The following TSPAN33 variants were observed in gnomAD, a reference collection of about 807,000 sequenced individuals.
The protein encoded by TSPAN33 is tetraspanin-33.
In TSPAN33, 27 loss-of-function variants were observed where a neutral mutation model predicts 34.8. The ratio of observed to expected loss-of-function variants is 0.78; its 90% CI spans 0.57 to 1.07. TSPAN33 has a LOEUF of 1.07. TSPAN33 is among the 50% of genes least tolerant of loss of function. TSPAN33 has a pLI of 0.00. For synonymous variants in TSPAN33, 119 were observed against 124.2 expected (o/e 0.96, Z 0.28); for missense variants, 272 against 324.9 (o/e 0.84, Z 1.25).
rs189377047 is a variant in TSPAN33, at chr7:129,146,938, T to G, written c.102+1856T>G. 4.9e-3 allele frequency among the ~76,000 whole-genome samples: 749 copies of G among 152,180 alleles called. 4 individuals carry two copies. Among genetic ancestry groups the G allele is most frequent in the Middle Eastern group, 6.8e-3 (2 of 294 alleles). ...GCATCTGTTACACTTGTGTTCCTGGTCATTTTTTTTTTCTCGAGCTTCCCT... is the reference window on the plus strand; with the variant it reads ...GCATCTGTTACACTTGTGTTCCTGGGCATTTTTTTTTTCTCGAGCTTCCCT... On this transcript the variant is annotated intron_variant, in intron 1 of 7. Coordinates refer to ENST00000486685, the MANE Select transcript of TSPAN33 (RefSeq NM_178562.5).
At chr7:129,157,810 C>T (rs1792974879) in intron 1 of TSPAN33, among the ~76,000 whole-genome samples, 1 of 152,186 alleles carries the variant, frequency 6.6e-6, no homozygotes, top group Non-Finnish European at 1.5e-5. Context: ...CTCAGTGTAC[C>T]ATCTGCATAG....
chr7:129,163,269 TAAAC>T (rs988947328), intron 4 of TSPAN33, among the ~76,000 whole-genome samples: 6 of 151,418 alleles, frequency 4.0e-5, no homozygotes, highest in Admixed American at 6.6e-5. Flanking sequence ...TTTATTGAGA[TAAAC>T]AGAAGGAAGG....
chr7:129,160,618 C>T (rs1793034308), intron 1 of TSPAN33, among the ~76,000 whole-genome samples: 1 of 152,234 alleles, frequency 6.6e-6, no homozygotes, highest in African/African-American at 2.4e-5. Context: ...TATTCCTCCA[C>T]ACTGGAATCA....
intron 4 of TSPAN33, 48 bp from the exon 5 acceptor site, chr7:129,164,426 G>T: frequency 6.5e-7 from 1 of 1,546,088 alleles, no homozygotes; most frequent in Admixed American, 1.7e-5. Flanking sequence ...GAAGGAGCAA[G>T]TTAGGGATTA....
rs57469403 is a variant in TSPAN33, at chr7:129,161,721, C to G, written c.145C>G (p.Leu49Val). Residue 49 changes from leucine to valine, a missense_variant, in exon 2 of 8, where the codon CTA becomes GTA. Coordinates refer to ENST00000486685, the MANE Select transcript of TSPAN33 (RefSeq NM_178562.5). The stretch of plus-strand genomic sequence containing the variant: ...GGTGGCTGTGGGTGTCTACGCTCGG[C>G]TAATGAAGCATGCAGGTGAGCTGTA... ...VMVAVGVYAR[L>V]MKHAEAALAC... 1 of 1,614,184 alleles carries G rather than the reference C, an allele frequency of 6.2e-7. No individual in the cohort carries two copies. Among genetic ancestry groups the G allele is most frequent in the Non-Finnish European group, 8.5e-7 (1 of 1,180,024 alleles).
At chr7:129,160,253 C>G (rs1342274971) in intron 1 of TSPAN33, among the ~76,000 whole-genome samples, 2 of 152,224 alleles carry the variant, frequency 1.3e-5, no homozygotes, top group Non-Finnish European at 2.9e-5. Context: ...CCTTCTTCCA[C>G]CAAAGCCCCA....
chr7:129,158,558 A>C (rs1792995779), intron 1 of TSPAN33, among the ~76,000 whole-genome samples: 1 of 152,150 alleles, frequency 6.6e-6, no homozygotes, highest in Non-Finnish European at 1.5e-5. Flanking sequence ...TTCACTCTAA[A>C]GTACATGTGG....
At chr7:129,160,211 T>A (rs2150625772) in intron 1 of TSPAN33, among the ~76,000 whole-genome samples, 1 of 152,338 alleles carries the variant, frequency 6.6e-6, no homozygotes, top group African/African-American at 2.4e-5. Context: ...GGGACTCATC[T>A]GACCCTATTA....
At chr7:129,166,676 C>G in intron 5 of TSPAN33, 102 bp from the exon 6 acceptor site, 5 of 1,449,056 alleles carry the variant, frequency 3.5e-6, no homozygotes, top group Non-Finnish European at 4.7e-6. Context: ...CTAAAGTTCC[C>G]AGTAGAAGCT....
In TSPAN33 at chr7:129,163,663, T is replaced by C. The variant is rs147032309; in HGVS notation, c.363+756T>C. On this transcript the variant is annotated intron_variant, in intron 4 of 7. Transcript: ENST00000486685. ...TAGTGGGGCAGGAAGGAAGAGACTA[T>C]GGTAGAAAATTATGAAATTGGGCCA... Among the ~76,000 whole-genome samples, 410 of 152,250 alleles carry C rather than the reference T, an allele frequency of 2.7e-3. 3 individuals are homozygous for C. The highest frequency in any genetic ancestry group is 9.2e-3 in the African/African-American group (382 of 41,550).
intron 5 of TSPAN33, chr7:129,164,850 G>C (rs1793114280): frequency 5.8e-6 from 2 of 345,476 alleles, no homozygotes; most frequent in South Asian, 6.2e-5. Flanking sequence ...GACATTTTAG[G>C]CTGGTCCAAA....
intron 1 of TSPAN33, among the ~76,000 whole-genome samples, chr7:129,154,898 C>CCACT (rs1246992481): frequency 6.6e-6 from 1 of 152,040 alleles, no homozygotes; most frequent in African/African-American, 2.4e-5. Flanking sequence ...TCCAGCAATC[C>CCACT]CACTACTGAG....
chr7:129,162,895 C>A lies in TSPAN33; in HGVS notation c.351C>A (p.Val117=). Residue 117 remains valine, a synonymous_variant, in exon 4 of 8, where the codon GTC becomes GTA. Transcript: ENST00000486685. ...TGGCCGCTGGGATCCTGGGCTTCGT[C>A]TTCTCAGACAAGGTAACACTGGGAG... The part of the protein sequence containing the change: ...LQLAAGILGF[V]FSDKARGKVS... The A allele has an allele frequency of 7.4e-6, 12 of 1,613,866 alleles. No individual in the cohort carries two copies. Among genetic ancestry groups the A allele is most frequent in the Non-Finnish European group, 1.0e-5 (12 of 1,179,870 alleles).
Position 129,167,965 on chromosome 7 carries a change from G to C in TSPAN33, c.*91G>C. 6.6e-7 allele frequency: 1 copy of C among 1,521,418 alleles called. No individual in the cohort carries two copies. Among genetic ancestry groups the C allele is most frequent in the Non-Finnish European group, 8.8e-7 (1 of 1,136,306 alleles). The allele number at this position is 1,521,418 out of a possible 1,614,324, so 94.2% of individuals were successfully genotyped here. On this transcript the variant is annotated 3_prime_UTR_variant, in exon 8 of 8. Coordinates refer to ENST00000486685, the MANE Select transcript of TSPAN33 (RefSeq NM_178562.5). This position sits in a 1 kb window ranked among gnomAD's most constrained non-coding sequence, Gnocchi z 4.6. ...TGAAAGCAGCACCAAATGGAGATTT[G>C]GATTCCAGCCCCCCAGTGACAGCCC... is the stretch of plus-strand genomic sequence containing the variant.
intron 5 of TSPAN33, among the ~76,000 whole-genome samples, chr7:129,166,106 A>T (rs1471194438): frequency 2.0e-5 from 3 of 151,920 alleles, no homozygotes; most frequent in African/African-American, 7.2e-5. Context: ...CGCCCAGCTA[A>T]TTCTTGTATT....
Position 129,168,121 on chromosome 7 carries a change from G to C in TSPAN33, c.*247G>C. The C allele has an allele frequency of 1.5e-6, 1 of 666,204 alleles. No individual in the cohort carries two copies. The highest frequency in any genetic ancestry group is 2.3e-6 in the Non-Finnish European group (1 of 438,626). 41.3% of individuals were successfully genotyped at this position (666,204 alleles called of 1,614,324 possible). On this transcript the variant is annotated 3_prime_UTR_variant, in exon 8 of 8. Coordinates refer to ENST00000486685, the MANE Select transcript of TSPAN33 (RefSeq NM_178562.5). ...CCAGAGTGATACCCTTAAGTGTTTG[G>C]GTTTATGTTTTCAGTTTTGTTTGGG...
chr7:129,149,454 A>C (rs1474205638), intron 1 of TSPAN33, among the ~76,000 whole-genome samples: 1 of 152,140 alleles, frequency 6.6e-6, no homozygotes, highest in African/African-American at 2.4e-5. Context: ...GCTACTTCGG[A>C]GGCTGAGGCA....
intron 1 of TSPAN33, among the ~76,000 whole-genome samples, chr7:129,156,094 T>TA (rs1810661365): frequency 6.6e-6 from 1 of 152,094 alleles, no homozygotes; most frequent in Admixed American, 6.6e-5. Flanking sequence ...TTCCTAGACT[T>TA]ACCTTGTTTT....
intron 6 of TSPAN33, 50 bp downstream of exon 6, chr7:129,166,956 T>A (rs1388677686): frequency 6.3e-7 from 1 of 1,593,588 alleles, no homozygotes; most frequent in African/African-American, 1.3e-5. Context: ...GCTGAGTCAC[T>A]TTCTGATGGG....
Sources: allele counts gnomAD v4.1 joint callset (sites outside exome capture counted in the v4.1 genomes callset), GRCh38; gene constraint gnomAD v4.1.1; non-coding constraint Gnocchi (gnomAD v3.1); transcripts MANE v1.5; gene names NCBI Gene and HGNC (gene_info 2026-07-23, HGNC 2026-07-21).